The following CEP192 variants were observed in gnomAD, a reference collection of about 807,000 sequenced individuals.
CEP192 encodes centrosomal protein 192, also known as centrosomal protein of 192 kDa.
A neutral mutation model predicts 271.8 loss-of-function variants in CEP192; 151 were observed. The ratio of observed to expected loss-of-function variants is 0.56; its 90% CI spans 0.49 to 0.64. The LOEUF (loss-of-function observed/expected upper bound fraction) is 0.64. CEP192 is among the 30% of genes least tolerant of loss of function. The pLI is 0.00. For missense variants in CEP192, 2,910 were observed against 3,020.5 expected (o/e 0.96, Z 0.86); for synonymous variants, 995 against 1,076.5 (o/e 0.92, Z 1.48).
intron 44 of CEP192, among the ~76,000 whole-genome samples, chr18:13,123,777 C>A (rs1026026409): frequency 6.6e-6 from 1 of 152,124 alleles, no homozygotes; most frequent in Non-Finnish European, 1.5e-5. Context: ...CAAAAACAAA[C>A]CCCCTAGAAT....
At chr18:13,083,320 T>C (rs1373144187) in intron 30 of CEP192, among the ~76,000 whole-genome samples, 5 of 152,216 alleles carry the variant, frequency 3.3e-5, no homozygotes, top group African/African-American at 9.6e-5. Context: ...TGTTTCTTTT[T>C]ACTTTTTGTC....
intron 9 of CEP192, among the ~76,000 whole-genome samples, chr18:13,027,920 T>G (rs1012859315): frequency 2.6e-5 from 4 of 152,254 alleles, no homozygotes; most frequent in African/African-American, 9.6e-5. Context: ...GATCTTTATA[T>G]GTTTTAGGCT....
intron 39 of CEP192, among the ~76,000 whole-genome samples, chr18:13,104,551 G>T (rs1479911025): frequency 6.6e-6 from 1 of 152,212 alleles, no homozygotes; most frequent in Non-Finnish European, 1.5e-5. Flanking sequence ...GGTCGAGGCT[G>T]CAGTGAGCTA....
chr18:13,058,798 T>A (rs2037253233), intron 20 of CEP192: 1 of 403,228 alleles, frequency 2.5e-6, no homozygotes, highest in Non-Finnish European at 4.6e-6. Flanking sequence ...GAGTGACCTT[T>A]GTCAGTGTCC....
At chr18:13,040,702 T>A in intron 13 of CEP192, 128 bp from the exon 14 acceptor site, 1 of 635,484 alleles carries the variant, frequency 1.6e-6, no homozygotes, top group Non-Finnish European at 2.6e-6. Context: ...TCTAGTAATT[T>A]GAGGTTAAGT....
At chr18:13,050,636 G>A (rs2036734175) in intron 17 of CEP192, among the ~76,000 whole-genome samples, 1 of 151,132 alleles carries the variant, frequency 6.6e-6, no homozygotes, top group Admixed American at 6.6e-5. Context: ...CTGGAGTGCA[G>A]TGGTGTGATC....
intron 40 of CEP192, among the ~76,000 whole-genome samples, chr18:13,111,420 C>T (rs1409407683): frequency 7.2e-5 from 11 of 152,276 alleles, no homozygotes; most frequent in Non-Finnish European, 1.3e-4. Context: ...CCACCGTGCC[C>T]GGCCTGAGTT....
Position 13,049,097 on chromosome 18 carries a change from A to C in CEP192, c.2306A>C (p.Asp769Ala). The C allele has an allele frequency of 6.2e-7, 1 of 1,614,086 alleles. No homozygotes were observed. The highest frequency in any genetic ancestry group is 8.5e-7 in the Non-Finnish European group (1 of 1,179,928). ...YSHVRHFLPN[D>A]LEKSNGSNAL... is the part of the protein sequence containing the mutation. The stretch of plus-strand genomic sequence containing the variant: ...CATGTGCGTCATTTCTTACCTAATG[A>C]TTTAGAAAAAAGTAATGGATCCAAT... The change falls in exon 16 of 45, where the codon GAT becomes GCT. Residue 769 changes from aspartate to alanine, a missense_variant. Transcript: ENST00000506447.
At chr18:13,103,981 C>T (rs955901713) in intron 39 of CEP192, 30 of 397,686 alleles carry the variant, frequency 7.5e-5, no homozygotes, top group Non-Finnish European at 2.5e-5. Flanking sequence ...TGAGCTGCTG[C>T]ACCTGGCCTT....
chr18:13,083,469 T>TA (rs2038733339), intron 30 of CEP192, among the ~76,000 whole-genome samples: 1 of 152,202 alleles, frequency 6.6e-6, no homozygotes, highest in African/African-American at 2.4e-5. Flanking sequence ...CTCCATCAGG[T>TA]CATTTGTGGT....
chr18:13,052,955 G>A lies in CEP192; in HGVS notation c.3054G>A (p.Gln1018=). Residue 1018 remains glutamine, a synonymous_variant, in exon 18 of 45, where the codon CAG becomes CAA. Transcript: ENST00000506447. The part of the protein sequence containing the change: ...ALESFGSAAQ[Q]QQPPCEQELS... ...AGTCCTTTGGTTCAGCAGCTCAGCA[G>A]CAGCAGCCTCCCTGTGAGCAGGAGT... 1.9e-6 allele frequency: 3 copies of A among 1,612,214 alleles called. No homozygotes were observed. The highest frequency in any genetic ancestry group is 2.5e-6 in the Non-Finnish European group (3 of 1,178,886).
chr18:13,067,763 T>TATG (rs2037787493), intron 21 of CEP192, 68 bp from the exon 22 acceptor site: 1 of 1,343,048 alleles, frequency 7.4e-7, no homozygotes, highest in East Asian at 2.3e-5. Flanking sequence ...ATGGCAGTGA[T>TATG]ATGAACATAC....
chr18:13,108,663 C>T (rs1015734051), intron 40 of CEP192, among the ~76,000 whole-genome samples: 6 of 152,024 alleles, frequency 3.9e-5, no homozygotes, highest in Non-Finnish European at 5.9e-5. Flanking sequence ...GGCAACATGG[C>T]GAAACTCTGT....
chr18:13,007,343 C>T (rs2034046501), intron 3 of CEP192, among the ~76,000 whole-genome samples: 1 of 152,104 alleles, frequency 6.6e-6, no homozygotes, highest in Non-Finnish European at 1.5e-5. Flanking sequence ...TATGGGATAG[C>T]TGTCGTTTTG....
chr18:13,086,647 C>G (rs971632612), intron 30 of CEP192, among the ~76,000 whole-genome samples: 1 of 152,176 alleles, frequency 6.6e-6, no homozygotes, highest in Non-Finnish European at 1.5e-5. Flanking sequence ...TGCCAGCCAC[C>G]AGTTCATCTT....
chr18:13,116,594 T>A, intron 43 of CEP192, 91 bp downstream of exon 43: 2 of 1,287,790 alleles, frequency 1.6e-6, no homozygotes, highest in East Asian at 5.1e-5. Flanking sequence ...TAGACTATAT[T>A]TAAGTTGTAA....
chr18:13,122,484 G>A (rs536109202), intron 44 of CEP192, among the ~76,000 whole-genome samples: 3 of 152,328 alleles, frequency 2.0e-5, no homozygotes, highest in Admixed American at 1.3e-4. Context: ...AGGAGGTTGA[G>A]GCAGGAGAAT....
chr18:13,029,410 C>T (rs1330088413), intron 9 of CEP192, among the ~76,000 whole-genome samples: 2 of 152,180 alleles, frequency 1.3e-5, no homozygotes, highest in African/African-American at 4.8e-5. Flanking sequence ...ACACACAGAG[C>T]TCACTTTTGG....
intron 11 of CEP192, among the ~76,000 whole-genome samples, chr18:13,032,743 A>G (rs148436139): frequency 6.6e-6 from 1 of 152,224 alleles, no homozygotes; most frequent in Non-Finnish European, 1.5e-5. Context: ...TCAAATTCCC[A>G]TTAGCAGTGG....
Sources: gnomAD v4.1 joint callset for allele counts (sites outside exome capture counted in the v4.1 genomes callset) on GRCh38, gnomAD v4.1.1 for gene constraint, MANE v1.5 for transcripts, NCBI Gene and HGNC (gene_info 2026-07-23, HGNC 2026-07-21) for gene names.